Variants in TTC28 observed in about 807,000 individuals in gnomAD.
The protein encoded by TTC28 is tetratricopeptide repeat domain 28, also known as tetratricopeptide repeat protein 28.
A neutral mutation model predicts 198.0 loss-of-function variants in TTC28; 61 were observed. That is an observed-to-expected ratio of 0.31 (90% confidence interval 0.25 to 0.38). The LOEUF is 0.38. Among genes scored for constraint, TTC28 ranks in the 10% least tolerant of loss-of-function variants. The pLI, the probability that TTC28 is intolerant of heterozygous loss-of-function variation, is 1.00. For missense variants in TTC28, 2,678 were observed against 3,164.0 expected (o/e 0.85, Z 3.69); for synonymous variants, 1,171 against 1,297.8 (o/e 0.90, Z 2.10).
chr22:28,261,559 T>G (rs769343499), intron 5 of TTC28, among the ~76,000 whole-genome samples: 2 of 152,188 alleles, frequency 1.3e-5, no homozygotes, highest in Non-Finnish European at 2.9e-5. Context: ...CTGTCTGACT[T>G]ACTATTTTAA....
chr22:28,559,231 T>C (rs1215913127), intron 2 of TTC28, among the ~76,000 whole-genome samples: 1 of 152,186 alleles, frequency 6.6e-6, no homozygotes, highest in Non-Finnish European at 1.5e-5. Flanking sequence ...GATCAATTGA[T>C]ATGCCCTAAT....
intron 2 of TTC28, among the ~76,000 whole-genome samples, chr22:28,465,324 C>A (rs1013128804): frequency 3.9e-5 from 6 of 152,056 alleles, no homozygotes; most frequent in African/African-American, 1.4e-4. Flanking sequence ...ATAGGAGGCA[C>A]AAAATTATGC....
chr22:28,323,766 G>A (rs1379507140), intron 2 of TTC28, among the ~76,000 whole-genome samples: 1 of 152,028 alleles, frequency 6.6e-6, no homozygotes, highest in East Asian at 1.9e-4. Flanking sequence ...AGAACAAGAG[G>A]GTTATAGAAC....
intron 6 of TTC28, among the ~76,000 whole-genome samples, chr22:28,147,557 A>G (rs1311493401): frequency 6.6e-6 from 1 of 152,186 alleles, no homozygotes; most frequent in Non-Finnish European, 1.5e-5. Flanking sequence ...GAGGTGGTGT[A>G]ACATAAAAGA....
chr22:28,020,916 C>T (rs1265938724), intron 13 of TTC28, among the ~76,000 whole-genome samples: 1 of 152,132 alleles, frequency 6.6e-6, no homozygotes, highest in Admixed American at 6.5e-5. Context: ...CCCGACAGAC[C>T]TCCCTGTGGA....
rs149734694 is a variant in TTC28, at chr22:28,266,361, G to A, written c.933+29837C>T. 2.4e-4 allele frequency among the ~76,000 whole-genome samples: 36 copies of A among 152,152 alleles called. No individual in the cohort carries two copies. The East Asian group carries it at 4.4e-3, about 19-fold the overall frequency. On this transcript the variant is annotated intron_variant, in intron 5 of 22. Transcript: ENST00000397906. ...ACAAATTAAGGTATCTTCAACCTGC[G>A]TGTATCATTTTCAGTCATGCTCATT...
intron 18 of TTC28, 151 bp from the exon 19 acceptor site, chr22:27,992,814 T>C: frequency 1.3e-6 from 1 of 744,772 alleles, no homozygotes; most frequent in Non-Finnish European, 2.2e-6. Context: ...TGTGTGTGCC[T>C]TGGAAAAGGA....
intron 2 of TTC28, among the ~76,000 whole-genome samples, chr22:28,494,639 A>T (rs1291718435): frequency 3.3e-5 from 5 of 152,148 alleles, no homozygotes; most frequent in Admixed American, 2.0e-4. Context: ...TACTGATTGC[A>T]TTCTGGCTCT....
intron 2 of TTC28, among the ~76,000 whole-genome samples, chr22:28,603,574 T>C (rs1459302763): frequency 6.6e-6 from 1 of 152,050 alleles, no homozygotes. Context: ...AAATTATTTT[T>C]TGTAGAGATG....
chr22:27,983,130 A>C lies in TTC28; in HGVS notation c.6537T>G (p.Arg2179=). 6.4e-7 allele frequency: 1 copy of C among 1,551,728 alleles called. No homozygotes were observed. Among genetic ancestry groups the C allele is most frequent in the Non-Finnish European group, 8.7e-7 (1 of 1,147,022 alleles). The change falls in exon 23 of 23, where the codon CGT becomes CGG. Residue 2179 remains arginine, a synonymous_variant. Coordinates refer to ENST00000397906, the MANE Select transcript of TTC28 (RefSeq NM_001145418.2). ...TCACCTGGCCGCCGCTCCTCTGAAG[A>C]CGCTCCACCGCAATGAGATGACTCT... The part of the protein sequence containing the change: ...ETQSHLIAVE[R]LQRSGGQVSK...
At chr22:28,671,140 T>A (rs1312663496) in intron 1 of TTC28, among the ~76,000 whole-genome samples, 3 of 151,906 alleles carry the variant, frequency 2.0e-5, no homozygotes, top group African/African-American at 4.8e-5. Flanking sequence ...AGAAGAGGTG[T>A]TACTATGTTG....
chr22:28,207,018 A>C (rs1441329943), intron 5 of TTC28, among the ~76,000 whole-genome samples: 17 of 152,154 alleles, frequency 1.1e-4, no homozygotes, highest in Non-Finnish European at 4.4e-5. Flanking sequence ...TGGATAATAT[A>C]AAATGTTATT....
chr22:28,045,046 A>T (rs1400094526), intron 12 of TTC28, among the ~76,000 whole-genome samples: 1 of 152,110 alleles, frequency 6.6e-6, no homozygotes, highest in Non-Finnish European at 1.5e-5. Context: ...CTTATTTTTG[A>T]AATCTTTGCC....
intron 5 of TTC28, among the ~76,000 whole-genome samples, chr22:28,278,381 T>C (rs780345228): frequency 1.3e-5 from 2 of 152,218 alleles, no homozygotes; most frequent in African/African-American, 2.4e-5. Context: ...ATCCAGTTAA[T>C]ATTCTATAAA....
chr22:27,982,086 G>C lies in TTC28; in HGVS notation c.*135C>G. 1 of 910,012 alleles carries C rather than the reference G, an allele frequency of 1.1e-6. No individual in the cohort carries two copies. Among genetic ancestry groups the C allele is most frequent in the Non-Finnish European group, 1.6e-6 (1 of 633,396 alleles). 56.4% of individuals were successfully genotyped at this position (910,012 alleles called of 1,614,324 possible). On this transcript the variant is annotated 3_prime_UTR_variant, in exon 23 of 23. Coordinates refer to ENST00000397906, the MANE Select transcript of TTC28 (RefSeq NM_001145418.2). This position sits in a 1 kb window ranked among gnomAD's most constrained non-coding sequence, Gnocchi z 5.2. ...GTGTGTGGCAGCCTTTGGACGTGGT[G>C]GTGCCCCTCGCCTGCAGAGCACAGC...
chr22:28,005,190 GT>G lies in TTC28; in HGVS notation c.4219-3638del. Reference sequence around the variant, plus strand: ...TGTGACCCTGACTGTGGCAATGTGAGTCCAGGCAGCAAATGATGCTTGAGAA... The same window carrying G: ...TGTGACCCTGACTGTGGCAATGTGAGCCAGGCAGCAAATGATGCTTGAGAA... On this transcript the variant is annotated intron_variant, in intron 14 of 22. Coordinates refer to ENST00000397906, the MANE Select transcript of TTC28 (RefSeq NM_001145418.2). The surrounding 1 kb of genome is among the most constrained non-coding windows in gnomAD (Gnocchi z 4.9). Among the ~76,000 whole-genome samples, 1 of 152,218 alleles carries G rather than the reference GT, an allele frequency of 6.6e-6. No homozygotes were observed. The highest frequency in any genetic ancestry group is 2.1e-4 in the South Asian group (1 of 4,834).
intron 2 of TTC28, among the ~76,000 whole-genome samples, chr22:28,467,687 G>A (rs2048041271): frequency 6.6e-6 from 1 of 152,148 alleles, no homozygotes; most frequent in Admixed American, 6.5e-5. Context: ...ATAAAACTAA[G>A]ACATGCCTCA....
intron 2 of TTC28, among the ~76,000 whole-genome samples, chr22:28,522,013 A>G (rs1310797241): frequency 2.0e-5 from 3 of 152,218 alleles, no homozygotes; most frequent in Non-Finnish European, 2.9e-5. Context: ...TCTCTAGAAG[A>G]TAACACTGTC....
At chr22:28,069,230 T>C (rs559848491) in intron 12 of TTC28, among the ~76,000 whole-genome samples, 1 of 152,336 alleles carries the variant, frequency 6.6e-6, no homozygotes, top group South Asian at 2.1e-4. Context: ...AAGTCTTTTT[T>C]AAGGCCGACG....
Sources: allele counts gnomAD v4.1 joint callset (sites outside exome capture counted in the v4.1 genomes callset), GRCh38; gene constraint gnomAD v4.1.1; non-coding constraint Gnocchi (gnomAD v3.1); transcripts MANE v1.5; gene names NCBI Gene and HGNC (gene_info 2026-07-23, HGNC 2026-07-21).